Variants in ZNF250 observed in about 807,000 individuals in gnomAD.
ZNF250 encodes the protein zinc finger protein (clone 647).
A neutral mutation model predicts 37.1 loss-of-function variants in ZNF250; 13 were observed. That is an observed-to-expected ratio of 0.35 (90% CI 0.23 to 0.56). The LOEUF is 0.56. ZNF250 is among the 20% of genes least tolerant of loss of function. ZNF250 has a pLI of 0.87. For missense variants in ZNF250, 474 were observed against 697.9 expected (o/e 0.68, Z 3.61); for synonymous variants, 251 against 265.6 (o/e 0.94, Z 0.54).
At chr8:144,888,650 T>C (rs1305484926) in intron 4 of ZNF250, among the ~76,000 whole-genome samples, 2 of 152,058 alleles carry the variant, frequency 1.3e-5, no homozygotes, top group Non-Finnish European at 2.9e-5. Flanking sequence ...TAATTTCCCT[T>C]GTGAATTTTA....
chr8:144,878,867 G>A lies in ZNF250; in HGVS notation c.*2648C>T, dbSNP rs963297375. ...TTCAGCTCCTCTGAAGTAAACCTCA[G>A]TGGTCAGAGCTACTCTGCAGTACCC... On this transcript the variant is annotated 3_prime_UTR_variant, in exon 6 of 6. Transcript: ENST00000417550. 9 of 152,188 alleles carry A rather than the reference G, an allele frequency of 5.9e-5. No homozygotes were observed. Among genetic ancestry groups the A allele is most frequent in the Admixed American group, 3.3e-4 (5 of 15,274 alleles). The allele number at this position is 152,188 out of a possible 1,614,324, so 9.4% of individuals were successfully genotyped here.
At position 144,890,312 on chromosome 8, in the gene ZNF250, G is replaced by A. The variant is rs749099342; in HGVS notation, c.38C>T (p.Pro13Leu). ...AARLLPVPAG[P>L]QAKLTFEDVA... Reference sequence around the variant, plus strand: ...TAAGCACTGGGGACAGCTTACCTGGGGTCCTGCCGGCACTGGCAGGAGTCT... The same window carrying A: ...TAAGCACTGGGGACAGCTTACCTGGAGTCCTGCCGGCACTGGCAGGAGTCT... Residue 13 changes from proline to leucine, a missense_variant, in exon 2 of 6, where the codon CCC becomes CTC. Around this residue, in one of 2 missense-constraint regions of ZNF250, gnomAD observed 192 missense variants for 227.5 expected, o/e 0.84. Transcript: ENST00000417550. This position sits in a 1 kb window ranked among gnomAD's most constrained non-coding sequence, Gnocchi z 5.1. The A allele has an allele frequency of 5.9e-6, 9 of 1,518,994 alleles. No homozygotes were observed. Among genetic ancestry groups the A allele is most frequent in the Non-Finnish European group, 8.0e-6 (9 of 1,130,500 alleles). 94.1% of individuals were successfully genotyped at this position (1,518,994 alleles called of 1,614,324 possible). A position where few individuals can be genotyped will look rare whatever the true frequency, so the allele number is the denominator to read the frequency against.
At chr8:144,893,405 A>G (rs1427970277) in intron 1 of ZNF250, among the ~76,000 whole-genome samples, 3 of 152,130 alleles carry the variant, frequency 2.0e-5, no homozygotes, top group African/African-American at 7.2e-5. Flanking sequence ...ATCTAGGCTC[A>G]CTGCAACCTC....
intron 1 of ZNF250, among the ~76,000 whole-genome samples, chr8:144,892,937 G>A (rs572842008): frequency 4.7e-5 from 7 of 148,834 alleles, no homozygotes; most frequent in East Asian, 2.0e-4. Flanking sequence ...TTGGCTCACC[G>A]CAACCCCTGC....
chr8:144,887,625 C>T (rs950827841), intron 4 of ZNF250, among the ~76,000 whole-genome samples: 3 of 152,136 alleles, frequency 2.0e-5, no homozygotes, highest in African/African-American at 4.8e-5. Flanking sequence ...AATCAAAGGG[C>T]GCTCAAAGGC....
rs773029356 is a variant in ZNF250 at position 144,890,035 on chromosome 8, C to A, written c.67G>T (p.Ala23Ser). Residue 23 changes from alanine to serine, a missense_variant, in exon 3 of 6, where the codon GCT (alanine) becomes TCT (serine). Around this residue, in one of 2 missense-constraint regions of ZNF250, gnomAD observed 192 missense variants for 227.5 expected, o/e 0.84. Coordinates refer to ENST00000417550, the MANE Select transcript of ZNF250 (RefSeq NM_001109689.4). The surrounding 1 kb of genome is among the most constrained non-coding windows in gnomAD (Gnocchi z 5.1). The stretch of plus-strand genomic sequence containing the variant: ...CATTCATCCTGGGAGAGGAGCACAG[C>A]CACATCCTCGAAGGTCAGCTTGGCC... ...PQAKLTFEDV[A>S]VLLSQDEWDR... 3 of 1,613,016 alleles carry A rather than the reference C, an allele frequency of 1.9e-6. No individual in the cohort carries two copies.
chr8:144,887,111 A>G (rs996514417), intron 4 of ZNF250, among the ~76,000 whole-genome samples: 1 of 151,864 alleles, frequency 6.6e-6, no homozygotes, highest in Non-Finnish European at 1.5e-5. Context: ...TTAGCTGGAC[A>G]TGGTGGTGCA....
At position 144,891,956 on chromosome 8, in the gene ZNF250, T is replaced by C. The variant is rs2727249; in HGVS notation, c.-54-1553A>G. Among the ~76,000 whole-genome samples, 4,023 of 152,238 alleles carry C rather than the reference T, an allele frequency of 0.026. 226 individuals carry two copies. Among genetic ancestry groups the C allele is most frequent in the East Asian group, 0.22 (1,142 of 5,176 alleles). On this transcript the variant is annotated intron_variant, in intron 1 of 5. Transcript: ENST00000417550. This position sits in a 1 kb window ranked among gnomAD's most constrained non-coding sequence, Gnocchi z 4.0. ...AGGAGAATCACTTGAACCCAGGATG[T>C]GGAGGTTGCAGTGAGCTGAGATCAT...
chr8:144,890,510 C>T lies in ZNF250; in HGVS notation c.-54-107G>A, dbSNP rs894085754. ...TCATTCAGAGTCACTGAGGGGCACA[C>T]TGAGGTCAGGTGCAAGGAGCTGCTA... On this transcript the variant is annotated intron_variant, in intron 1 of 5. Transcript: ENST00000417550. This position sits in a 1 kb window ranked among gnomAD's most constrained non-coding sequence, Gnocchi z 5.1. 1.7e-5 allele frequency: 10 copies of T among 602,846 alleles called. No individual in the cohort carries two copies. The highest frequency in any genetic ancestry group is 2.4e-5 in the Non-Finnish European group (9 of 377,340). The allele number at this position is 602,846 out of a possible 1,614,324, so 37.3% of individuals were successfully genotyped here.
intron 1 of ZNF250, among the ~76,000 whole-genome samples, chr8:144,893,924 G>A (rs1008953522): frequency 4.6e-5 from 7 of 152,208 alleles, no homozygotes; most frequent in Admixed American, 3.9e-4. Flanking sequence ...GATGATGCTG[G>A]CCAGCTTTTC....
In ZNF250 at chr8:144,882,218, C is replaced by T. The variant is rs375775992; in HGVS notation, c.965G>A (p.Arg322Gln). ...GKAFNHSTVL[R>Q]SHQRVHTGEK... The stretch of plus-strand genomic sequence containing the variant: ...CCCAGTGTGTACCCTCTGGTGGCTC[C>T]GCAGAACAGTGCTATGGTTGAAGGC... The change falls in exon 6 of 6, where the codon CGG becomes CAG. Residue 322 changes from arginine to glutamine, a missense_variant. Physicochemically the swap from Arg to Gln is conservative, Grantham distance 43. Coordinates refer to ENST00000417550, the MANE Select transcript of ZNF250 (RefSeq NM_001109689.4). This position sits in a 1 kb window ranked among gnomAD's most constrained non-coding sequence, Gnocchi z 5.5. The T allele has an allele frequency of 6.9e-5, 111 of 1,613,820 alleles. 2 individuals are homozygous for T. The South Asian group carries it at 7.1e-4, about 10-fold the overall frequency.
At chr8:144,889,780 T>G in intron 3 of ZNF250, 86 bp from the exon 4 acceptor site, 1 of 1,478,650 alleles carries the variant, frequency 6.8e-7, no homozygotes, top group Non-Finnish European at 9.1e-7. Context: ...GACATGAAAA[T>G]GGACAGGACT....
At chr8:144,886,249 T>C (rs1228513655) in intron 5 of ZNF250, among the ~76,000 whole-genome samples, 11 of 152,070 alleles carry the variant, frequency 7.2e-5, no homozygotes. Flanking sequence ...GGCAGGAGGA[T>C]TGCTTGAGCC....
intron 1 of ZNF250, among the ~76,000 whole-genome samples, chr8:144,892,845 A>T (rs1586915572): frequency 6.9e-6 from 1 of 144,320 alleles, no homozygotes; most frequent in African/African-American, 2.6e-5. Context: ...GGCGTGAGCC[A>T]CCGTGTCCAG....
Position 144,881,405 on chromosome 8 carries a change from C to T in ZNF250, c.*110G>A, listed in dbSNP as rs1012347779. ...CTGGAGTTATTTTGTGACACTGAAT[C>T]GCCAAAGAAAAGCTTCCTATAGAGT... On this transcript the variant is annotated 3_prime_UTR_variant, in exon 6 of 6. Coordinates refer to ENST00000417550, the MANE Select transcript of ZNF250 (RefSeq NM_001109689.4). The T allele has an allele frequency of 2.9e-5, 42 of 1,424,814 alleles. No homozygotes were observed. Among genetic ancestry groups the T allele is most frequent in the African/African-American group, 1.9e-4 (13 of 69,638 alleles). 88.3% of individuals were successfully genotyped at this position (1,424,814 alleles called of 1,614,324 possible).
Position 144,891,038 on chromosome 8 carries a change from T to C in ZNF250, c.-54-635A>G, listed in dbSNP as rs1463043482. Among the ~76,000 whole-genome samples the C allele has an allele frequency of 6.6e-6, 1 of 151,904 alleles. No individual in the cohort carries two copies. The highest frequency in any genetic ancestry group is 1.5e-5 in the Non-Finnish European group (1 of 67,988). On this transcript the variant is annotated intron_variant, in intron 1 of 5. Transcript: ENST00000417550. The surrounding 1 kb of genome is among the most constrained non-coding windows in gnomAD (Gnocchi z 4.0). ...AGCTGAAGGAAGACTTGTCATCAAGTGAGAAGGGGATGCTTGGGGTAGTGG... is the reference window on the plus strand; with the variant it reads ...AGCTGAAGGAAGACTTGTCATCAAGCGAGAAGGGGATGCTTGGGGTAGTGG...
Position 144,877,480 on chromosome 8 carries a change from A to C in ZNF250, c.*4035T>G, listed in dbSNP as rs1022647613. 3 of 152,280 alleles carry C rather than the reference A, an allele frequency of 2.0e-5. No homozygotes were observed. The highest frequency in any genetic ancestry group is 7.2e-5 in the African/African-American group (3 of 41,476). 9.4% of individuals were successfully genotyped at this position (152,280 alleles called of 1,614,324 possible). On this transcript the variant is annotated 3_prime_UTR_variant, in exon 6 of 6. Transcript: ENST00000417550. Reference sequence around the variant, plus strand: ...ATCAGGCAGAAGATAATGGTTGAGAAGACTGTTATCAGCATGAAAATTCAG... The same window carrying C: ...ATCAGGCAGAAGATAATGGTTGAGACGACTGTTATCAGCATGAAAATTCAG...
chr8:144,888,979 AG>A (rs1403609987), intron 4 of ZNF250, among the ~76,000 whole-genome samples: 2 of 152,150 alleles, frequency 1.3e-5, no homozygotes, highest in Non-Finnish European at 2.9e-5. Flanking sequence ...CGTGTTAGCC[AG>A]GATGGTCTTG....
In ZNF250 at chr8:144,879,145, C is replaced by T. The variant is rs577845375; in HGVS notation, c.*2370G>A. Reference sequence around the variant, plus strand: ...ATGGCAACACCTCTAAGGTTAACACCTTGGTTATCTGAGCTATCTGAGGTT... The same window carrying T: ...ATGGCAACACCTCTAAGGTTAACACTTTGGTTATCTGAGCTATCTGAGGTT... On this transcript the variant is annotated 3_prime_UTR_variant, in exon 6 of 6. Coordinates refer to ENST00000417550, the MANE Select transcript of ZNF250 (RefSeq NM_001109689.4). 1 of 152,338 alleles carries T rather than the reference C, an allele frequency of 6.6e-6. No homozygotes were observed. Among genetic ancestry groups the T allele is most frequent in the African/African-American group, 2.4e-5 (1 of 41,568 alleles). 9.4% of individuals were successfully genotyped at this position (152,338 alleles called of 1,614,324 possible). A position where few individuals can be genotyped will look rare whatever the true frequency, so the allele number is the denominator to read the frequency against.
Sources: gnomAD v4.1 joint callset for allele counts (sites outside exome capture counted in the v4.1 genomes callset) on GRCh38, gnomAD v4.1.1 for gene constraint, gnomAD v4.1.1 regional missense constraint, Gnocchi (gnomAD v3.1) non-coding constraint, MANE v1.5 for transcripts, NCBI Gene and HGNC (gene_info 2026-07-23, HGNC 2026-07-21) for gene names.